Variants in HAUS6 observed in about 807,000 individuals in gnomAD.
HAUS6 encodes HAUS augmin-like complex subunit 6.
In HAUS6, 80 loss-of-function variants were observed where a neutral mutation model predicts 106.8. The observed-to-expected ratio is 0.75, with a 90% confidence interval of 0.63 to 0.90. HAUS6 has a LOEUF of 0.90. Ranked by LOEUF, HAUS6 falls within the 40% of genes least tolerant of loss-of-function variation. HAUS6 has a pLI of 0.00. For synonymous variants in HAUS6, 356 were observed against 379.1 expected (o/e 0.94, Z 0.71); for missense variants, 1,155 against 1,118.1 (o/e 1.03, Z -0.47).
Position 19,100,623 on chromosome 9 carries a change from G to A in HAUS6, c.128+1901C>T, listed in dbSNP as rs1328385112. ...AGATCAGTATATGAAAGAGGCATCT[G>A]CACTCCCATGTTTAGTGACACATTA... On this transcript the variant is annotated intron_variant, in intron 1 of 16. Transcript: ENST00000380502. Among the ~76,000 whole-genome samples the A allele has an allele frequency of 2.0e-5, 3 of 152,156 alleles. No homozygotes were observed. The East Asian group carries it at 5.8e-4, about 29-fold the overall frequency.
chr9:19,063,456 A>G, intron 13 of HAUS6, 58 bp downstream of exon 13: 1 of 844,256 alleles, frequency 1.2e-6, no homozygotes, highest in Non-Finnish European at 1.8e-6. Flanking sequence ...ACAAAAATAA[A>G]TAATATTTTA....
Position 19,078,207 on chromosome 9 carries a change from G to A in HAUS6, c.1160C>T (p.Ser387Phe). The change falls in exon 10 of 17, where the codon TCT (serine) becomes TTT (phenylalanine). Residue 387 changes from serine to phenylalanine, a missense_variant. Physicochemically the swap from Ser to Phe is radical, Grantham distance 155. Coordinates refer to ENST00000380502, the MANE Select transcript of HAUS6 (RefSeq NM_017645.5). The part of the protein sequence containing the change: ...HKKWKEFLGL[S>F]PFSLIKGWTP... The stretch of plus-strand genomic sequence containing the variant: ...CCAACCTTTAATTAGACTGAAAGGA[G>A]ACAAACCAAGAAATTCTTTCCACTT... 1 of 1,603,662 alleles carries A rather than the reference G, an allele frequency of 6.2e-7. No homozygotes were observed. Among genetic ancestry groups the A allele is most frequent in the Non-Finnish European group, 8.5e-7 (1 of 1,172,660 alleles).
intron 16 of HAUS6, 190 bp from the exon 17 acceptor site, chr9:19,056,594 G>T: frequency 4.0e-6 from 2 of 500,996 alleles, no homozygotes; most frequent in South Asian, 3.0e-5. Context: ...TCCTCCCAGA[G>T]TACTTTTTTT....
rs1360725788 is a variant in HAUS6 at position 19,070,270 on chromosome 9, C to G, written c.1325G>C (p.Gly442Ala). ...CAAGGTATCACTGTCTCCTCTGCAACCATTTTCTTGGTTATGTTGCTTATG... is the reference window on the plus strand; with the variant it reads ...CAAGGTATCACTGTCTCCTCTGCAAGCATTTTCTTGGTTATGTTGCTTATG... Reference protein sequence around the residue: ...DAHKQHNQENGCRGDSDTLGA... With the variant: ...DAHKQHNQENACRGDSDTLGA... Residue 442 changes from glycine to alanine, a missense_variant, in exon 12 of 17, where the codon GGT (glycine) becomes GCT (alanine). By Grantham distance (60) the Gly-to-Ala change is moderately conservative. This residue lies in a region of HAUS6 where 761 missense variants were observed against 690.0 expected (regional missense o/e 1.10). Transcript: ENST00000380502. 16 of 1,601,730 alleles carry G rather than the reference C, an allele frequency of 1.0e-5. No homozygotes were observed. The Admixed American group carries it at 2.3e-4, about 23-fold the overall frequency.
At chr9:19,063,719 G>A (rs1335761652) in intron 12 of HAUS6, 139 bp from the exon 13 acceptor site, 2 of 773,932 alleles carry the variant, frequency 2.6e-6, no homozygotes, top group Non-Finnish European at 4.8e-6. Flanking sequence ...TCAAAAGGCA[G>A]TTTATTCTAG....
At chr9:19,098,480 A>G (rs1340358784) in intron 1 of HAUS6, among the ~76,000 whole-genome samples, 1 of 151,812 alleles carries the variant, frequency 6.6e-6, no homozygotes, top group Non-Finnish European at 1.5e-5. Context: ...ATTTATATCT[A>G]TTCTCTTCAC....
At chr9:19,062,052 T>C (rs919207989) in intron 14 of HAUS6, among the ~76,000 whole-genome samples, 10 of 152,210 alleles carry the variant, frequency 6.6e-5, no homozygotes, top group African/African-American at 2.4e-4. Context: ...GGAAAACATG[T>C]ACTAAAAATA....
rs1817708718 is a variant in HAUS6, at chr9:19,089,895, CA to C, written c.437-337del. Among the ~76,000 whole-genome samples, 5 of 152,144 alleles carry C rather than the reference CA, an allele frequency of 3.3e-5. 1 individual carries two copies. The highest frequency in any genetic ancestry group is 1.3e-4 in the Admixed American group (2 of 15,262). On this transcript the variant is annotated intron_variant, in intron 4 of 16. Transcript: ENST00000380502. ...TTGCCCAGGCTGGAGTGCAGTGGCA[CA>C]AGCATAGGTCACTGCAGCCTCAACC... is the stretch of plus-strand genomic sequence containing the variant.
In HAUS6 at chr9:19,080,378, A is replaced by T. The variant is rs1484128237; in HGVS notation, c.1064+101T>A. Reference sequence around the variant, plus strand: ...GATTTTTGAGTATTAGAATTCTCATACTTGTTTGCCAAAGCTGAAGAGCTA... The same window carrying T: ...GATTTTTGAGTATTAGAATTCTCATTCTTGTTTGCCAAAGCTGAAGAGCTA... On this transcript the variant is annotated intron_variant, in intron 9 of 16. Coordinates refer to ENST00000380502, the MANE Select transcript of HAUS6 (RefSeq NM_017645.5). 1.9e-5 allele frequency: 14 copies of T among 719,402 alleles called. No homozygotes were observed. In the East Asian group the frequency reaches 2.3e-4, roughly 12 times the overall value. 44.6% of individuals were successfully genotyped at this position (719,402 alleles called of 1,614,324 possible).
intron 12 of HAUS6, among the ~76,000 whole-genome samples, chr9:19,066,385 A>G (rs750705853): frequency 2.0e-5 from 3 of 152,212 alleles, no homozygotes; most frequent in Non-Finnish European, 4.4e-5. Context: ...TAGGAGAAAA[A>G]TAAAAATAGA....
At chr9:19,094,629 T>G (rs1364620658) in intron 2 of HAUS6, among the ~76,000 whole-genome samples, 2 of 152,080 alleles carry the variant, frequency 1.3e-5, no homozygotes, top group Non-Finnish European at 2.9e-5. Context: ...CCGTCTCTAT[T>G]AAAAATATAA....
rs777902982 is a variant in HAUS6 at position 19,058,899 on chromosome 9, T to G, written c.1868A>C (p.Glu623Ala). 6.3e-7 allele frequency: 1 copy of G among 1,590,218 alleles called. No homozygotes were observed. The highest frequency in any genetic ancestry group is 8.6e-7 in the Non-Finnish European group (1 of 1,158,126). ...TTGATTGTGCAACACAGGTAATGAT[T>G]CTGGCAATACTTCTCTATGTTCAGC... is the stretch of plus-strand genomic sequence containing the variant. ...MDAEHREVLP[E>A]SLPVLHNQRE... Residue 623 changes from glutamate to alanine, a missense_variant, in exon 16 of 17, where the codon GAA becomes GCA. Glu to Ala is a moderately radical substitution (Grantham distance 107). Around this residue, in one of 3 missense-constraint regions of HAUS6, gnomAD observed 380 missense variants for 394.8 expected, o/e 0.96. Transcript: ENST00000380502.
At chr9:19,092,799 C>T (rs1817781652) in intron 4 of HAUS6, among the ~76,000 whole-genome samples, 1 of 151,196 alleles carries the variant, frequency 6.6e-6, no homozygotes, top group South Asian at 2.1e-4. Context: ...GTGGCAGACA[C>T]CTGTAATCCC....
At chr9:19,089,204 C>G (rs1360494664) in intron 5 of HAUS6, among the ~76,000 whole-genome samples, 1 of 151,918 alleles carries the variant, frequency 6.6e-6, no homozygotes, top group African/African-American at 2.4e-5. Context: ...CATCGCGCCA[C>G]TGCATTCCAG....
At position 19,053,563 on chromosome 9, in the gene HAUS6, A is replaced by C. The variant is rs1242935009; in HGVS notation, c.*2780T>G. The C allele has an allele frequency of 1.3e-5, 2 of 152,192 alleles. No homozygotes were observed. The highest frequency in any genetic ancestry group is 6.5e-5 in the Admixed American group (1 of 15,282). 9.4% of individuals were successfully genotyped at this position (152,192 alleles called of 1,614,324 possible). A position where few individuals can be genotyped will look rare whatever the true frequency, so the allele number is the denominator to read the frequency against. ...TTTATTCCACTTGATGACATTTTTC[A>C]TGTTTAGCAACATTACATGGTTGTC... On this transcript the variant is annotated 3_prime_UTR_variant, in exon 17 of 17. Coordinates refer to ENST00000380502, the MANE Select transcript of HAUS6 (RefSeq NM_017645.5).
intron 1 of HAUS6, among the ~76,000 whole-genome samples, chr9:19,100,168 T>C (rs1255508892): frequency 6.6e-6 from 1 of 152,072 alleles, no homozygotes; most frequent in Non-Finnish European, 1.5e-5. Context: ...CACTCCCGCC[T>C]GGGCGACAGA....
intron 10 of HAUS6, 65 bp from the exon 11 acceptor site, chr9:19,076,769 G>A: frequency 1.3e-6 from 1 of 741,130 alleles, no homozygotes; most frequent in South Asian, 1.5e-5. Context: ...TAACAATACT[G>A]AGTTAATCTA....
chr9:19,058,165 G>A lies in HAUS6; in HGVS notation c.2602C>T (p.Pro868Ser), dbSNP rs929669453. ...TCTGTTTGTACATTTTGGGGAGTAG[G>A]GCTCAATTCTGGTTTGTGTCTTTCG... Reference protein sequence around the residue: ...TPERHKPELSPTPQNVQTDDT... With the variant: ...TPERHKPELSSTPQNVQTDDT... The change falls in exon 16 of 17, where the codon CCT becomes TCT. Residue 868 changes from proline (P) to serine (S), a missense_variant. Pro to Ser is a moderately conservative substitution (Grantham distance 74, BLOSUM62 -1). Around this residue, in one of 3 missense-constraint regions of HAUS6, gnomAD observed 380 missense variants for 394.8 expected, o/e 0.96. Transcript: ENST00000380502. The A allele has an allele frequency of 4.3e-6, 7 of 1,613,876 alleles. No individual in the cohort carries two copies. Among genetic ancestry groups the A allele is most frequent in the Non-Finnish European group, 3.4e-6 (4 of 1,179,824 alleles).
intron 12 of HAUS6, chr9:19,065,134 C>T (rs1588600208): frequency 6.6e-6 from 1 of 152,160 alleles, no homozygotes; most frequent in Non-Finnish European, 1.5e-5. Context: ...TCTTGTGGAA[C>T]CTTATAGCAG....
Sources: allele counts gnomAD v4.1 joint callset (sites outside exome capture counted in the v4.1 genomes callset), GRCh38; gene constraint gnomAD v4.1.1; regional missense constraint gnomAD v4.1.1; transcripts MANE v1.5; gene names NCBI Gene and HGNC (gene_info 2026-07-23, HGNC 2026-07-21).